The following ALK variants were observed in gnomAD, a reference collection of about 807,000 sequenced individuals.
ALK encodes ALK tyrosine kinase receptor.
ALK carries 74 observed loss-of-function variants against 163.1 expected under a neutral mutation model. That is an observed-to-expected ratio of 0.45 (90% CI 0.38 to 0.55). The LOEUF (loss-of-function observed/expected upper bound fraction) is 0.55, where lower values mean the gene tolerates loss of function less well. Among genes scored for constraint, ALK ranks in the 20% least tolerant of loss-of-function variants. The pLI is 0.00. For missense variants in ALK, 2,063 were observed against 2,105.3 expected (o/e 0.98, Z 0.39); for synonymous variants, 960 against 843.2 (o/e 1.14, Z -2.40).
At chr2:29,823,828 T>C (rs1334302399) in intron 1 of ALK, among the ~76,000 whole-genome samples, 1 of 152,236 alleles carries the variant, frequency 6.6e-6, no homozygotes, top group Non-Finnish European at 1.5e-5. Context: ...AATCCCATTT[T>C]CTGAGGGGAA....
At chr2:29,546,122 G>A (rs1220945026) in intron 3 of ALK, among the ~76,000 whole-genome samples, 2 of 152,124 alleles carry the variant, frequency 1.3e-5, no homozygotes, top group African/African-American at 4.8e-5. Flanking sequence ...ATGTGTGGAG[G>A]AGTACGTTTT....
chr2:29,482,849 C>A (rs72858385), intron 4 of ALK, among the ~76,000 whole-genome samples: 3,656 of 152,216 alleles, frequency 0.024, 148 homozygotes, highest in African/African-American at 0.084. Context: ...TTACTAAAAT[C>A]CACAGTAGGA....
intron 4 of ALK, among the ~76,000 whole-genome samples, chr2:29,433,440 G>C (rs1670327375): frequency 6.6e-6 from 1 of 152,192 alleles, no homozygotes; most frequent in Non-Finnish European, 1.5e-5. Context: ...ATATCTGAGA[G>C]AATACCAAAT....
intron 4 of ALK, among the ~76,000 whole-genome samples, chr2:29,406,208 T>C (rs1669580368): frequency 6.6e-6 from 1 of 152,220 alleles, no homozygotes; most frequent in Non-Finnish European, 1.5e-5. Flanking sequence ...GGATGGAATG[T>C]AGGGAAGTCT....
chr2:29,721,569 T>G (rs562310242), intron 1 of ALK, among the ~76,000 whole-genome samples: 1 of 152,358 alleles, frequency 6.6e-6, no homozygotes, highest in East Asian at 1.9e-4. Context: ...AATGAATTTG[T>G]TTCTTAGCTT....
At chr2:29,208,884 C>T (rs1417656963) in intron 25 of ALK, among the ~76,000 whole-genome samples, 1 of 148,330 alleles carries the variant, frequency 6.7e-6, no homozygotes, top group East Asian at 2.0e-4. Context: ...AGAAAAAGTA[C>T]AATTAAAGTA....
chr2:29,767,852 T>C (rs1275395883), intron 1 of ALK, among the ~76,000 whole-genome samples: 3 of 152,332 alleles, frequency 2.0e-5, no homozygotes, highest in South Asian at 4.1e-4. Flanking sequence ...TCAACAGGGA[T>C]GTCAAACAGG....
chr2:29,446,669 A>C (rs72792472), intron 4 of ALK, among the ~76,000 whole-genome samples: 15,674 of 152,240 alleles, frequency 0.1, 1,111 homozygotes, highest in Non-Finnish European at 0.16. Flanking sequence ...AATTTGTTTT[A>C]TTTTATTTGA....
At chr2:29,803,456 C>G (rs10187084) in intron 1 of ALK, among the ~76,000 whole-genome samples, 109,727 of 152,170 alleles carry the variant, frequency 0.72, 39,817 homozygotes, top group South Asian at 0.8. Context: ...CAAGTCCACT[C>G]TCACGCTTGG....
At chr2:29,821,149 C>T (rs545840203) in intron 1 of ALK, among the ~76,000 whole-genome samples, 1 of 152,278 alleles carries the variant, frequency 6.6e-6, no homozygotes, top group African/African-American at 2.4e-5. Context: ...ATGGAACCCA[C>T]CTTCTGTTTT....
At chr2:29,356,740 A>G (rs974364283) in intron 5 of ALK, among the ~76,000 whole-genome samples, 27 of 152,172 alleles carry the variant, frequency 1.8e-4, no homozygotes, top group Non-Finnish European at 3.5e-4. Flanking sequence ...ACATCCAAAT[A>G]AATAAAGAAA....
chr2:29,606,227 G>A (rs922007345), intron 3 of ALK, among the ~76,000 whole-genome samples: 1 of 152,168 alleles, frequency 6.6e-6, no homozygotes, highest in African/African-American at 2.4e-5. Flanking sequence ...CAGAAATCAG[G>A]AAATGAGGAG....
At chr2:29,533,251 T>C (rs549935285) in intron 3 of ALK, among the ~76,000 whole-genome samples, 2 of 152,290 alleles carry the variant, frequency 1.3e-5, no homozygotes, top group African/African-American at 4.8e-5. Flanking sequence ...TCTACAACTG[T>C]CATAAATAAT....
At chr2:29,640,679 G>T (rs570180968) in intron 3 of ALK, among the ~76,000 whole-genome samples, 1 of 152,276 alleles carries the variant, frequency 6.6e-6, no homozygotes, top group African/African-American at 2.4e-5. Flanking sequence ...AATATACCAG[G>T]TATGTGTTGA....
intron 1 of ALK, among the ~76,000 whole-genome samples, chr2:29,872,667 A>T (rs1666610063): frequency 6.6e-6 from 1 of 152,214 alleles, no homozygotes; most frequent in Admixed American, 6.5e-5. Context: ...TCAAAATTCA[A>T]ATTTTGAAGT....
chr2:29,317,223 A>G (rs1344899852), intron 8 of ALK, among the ~76,000 whole-genome samples: 1 of 152,236 alleles, frequency 6.6e-6, no homozygotes, highest in Non-Finnish European at 1.5e-5. Flanking sequence ...ACAACTTGAC[A>G]GGAAACAAAT....
In ALK at chr2:29,233,743, T is replaced by C. The variant is rs112604084; in HGVS notation, c.2356-47A>G. 1,982 of 1,613,460 alleles carry C rather than the reference T, an allele frequency of 1.2e-3. 4 individuals carry two copies. The highest frequency in any genetic ancestry group is 1.5e-3 in the Non-Finnish European group (1,740 of 1,179,390). On this transcript the variant is annotated intron_variant, in intron 13 of 28. Transcript: ENST00000389048. ...TAGGTTTGTGGCCAAACCAGAGTTC[T>C]CCACTTTGCAGCAGACAGAACTTCT...
At chr2:29,817,365 G>A (rs183045758) in intron 1 of ALK, among the ~76,000 whole-genome samples, 4 of 152,156 alleles carry the variant, frequency 2.6e-5, no homozygotes, top group South Asian at 2.1e-4. Flanking sequence ...GGTTGGAGTG[G>A]GGGACAAGAT....
rs1013688370 is a variant in ALK, at chr2:29,207,198, C to T, written c.3911G>A (p.Gly1304Glu). Residue 1304 changes from glycine (G) to glutamate (E), a missense_variant, in exon 26 of 29, where the codon GGA becomes GAA. Gly to Glu is a moderately conservative substitution (Grantham distance 98, BLOSUM62 -2). Coordinates refer to ENST00000389048, the MANE Select transcript of ALK (RefSeq NM_004304.5). The part of the protein sequence containing the change: ...KWMPPEAFME[G>E]IFTSKTDTWS... ...TGTGTCTGTTTTAGAAGTGAATATT[C>T]CTTCCATGAAGGCCTCTGGGGGCAT... The T allele has an allele frequency of 1.9e-6, 3 of 1,613,932 alleles. No homozygotes were observed. The highest frequency in any genetic ancestry group is 1.3e-5 in the African/African-American group (1 of 74,896).
Sources: gnomAD v4.1 joint callset for allele counts (sites outside exome capture counted in the v4.1 genomes callset) on GRCh38, gnomAD v4.1.1 for gene constraint, MANE v1.5 for transcripts, NCBI Gene and HGNC (gene_info 2026-07-23, HGNC 2026-07-21) for gene names.